DPP10: variants seen among roughly 807,000 people sequenced by gnomAD.
DPP10 encodes inactive dipeptidyl peptidase 10.
A neutral mutation model predicts 120.9 loss-of-function variants in DPP10; 33 were observed. The observed-to-expected ratio is 0.27, with a 90% confidence interval of 0.21 to 0.37. The LOEUF (loss-of-function observed/expected upper bound fraction) is 0.37, where lower values mean the gene tolerates loss of function less well. DPP10 is among the 10% of genes least tolerant of loss of function. The pLI is 1.00. For synonymous variants in DPP10, 337 were observed against 326.1 expected, an observed-to-expected ratio of 1.03 and a Z score of -0.36; for missense variants, 816 against 942.8, an observed-to-expected ratio of 0.87 and a Z score of 1.76.
chr2:115,717,797 G>A (rs79088982), intron 7 of DPP10, among the ~76,000 whole-genome samples: 1,650 of 152,214 alleles, frequency 0.011, 22 homozygotes, highest in Non-Finnish European at 0.016. Flanking sequence ...TGGATGCTGA[G>A]GGTCTGCTGT....
At chr2:115,454,127 A>G (rs2073338663) in intron 3 of DPP10, among the ~76,000 whole-genome samples, 1 of 151,504 alleles carries the variant, frequency 6.6e-6, no homozygotes, top group African/African-American at 2.4e-5. Flanking sequence ...CTTATTCAAA[A>G]TTCTGTGAAA....
At chr2:115,828,331 A>G (rs1461547847) in intron 21 of DPP10, among the ~76,000 whole-genome samples, 1 of 151,896 alleles carries the variant, frequency 6.6e-6, no homozygotes, top group Non-Finnish European at 1.5e-5. Flanking sequence ...AATGAATTTC[A>G]TTGTGATATG....
chr2:114,725,292 C>T (rs546910603), intron 1 of DPP10, among the ~76,000 whole-genome samples: 1 of 152,320 alleles, frequency 6.6e-6, no homozygotes, highest in South Asian at 2.1e-4. Context: ...CGCATATTCA[C>T]ATTTTTTCCA....
intron 1 of DPP10, among the ~76,000 whole-genome samples, chr2:115,276,725 A>G (rs2059935233): frequency 6.6e-6 from 1 of 152,242 alleles, no homozygotes. Flanking sequence ...AAAGGCAAGT[A>G]TGAGAGATTT....
chr2:114,773,688 A>G (rs889413621), intron 1 of DPP10, among the ~76,000 whole-genome samples: 2 of 152,190 alleles, frequency 1.3e-5, no homozygotes, highest in African/African-American at 4.8e-5. Context: ...TTGCATTTCC[A>G]TAAAGAAGGC....
intron 1 of DPP10, among the ~76,000 whole-genome samples, chr2:115,194,812 A>G (rs568369737): frequency 2.0e-5 from 3 of 152,318 alleles, no homozygotes; most frequent in African/African-American, 7.2e-5. Context: ...TAACATAACA[A>G]TGCCACCTGT....
chr2:114,652,978 C>T (rs1347174531), intron 1 of DPP10, among the ~76,000 whole-genome samples: 9 of 149,880 alleles, frequency 6.0e-5, no homozygotes. Context: ...CCTCTTTTCT[C>T]TCTCATTGGA....
intron 9 of DPP10, among the ~76,000 whole-genome samples, chr2:115,740,542 A>G (rs941921209): frequency 2.0e-5 from 3 of 152,096 alleles, no homozygotes; most frequent in African/African-American, 7.2e-5. Context: ...ATACTCTAGA[A>G]CACACTATAT....
At chr2:115,278,726 C>T (rs1341723442) in intron 1 of DPP10, among the ~76,000 whole-genome samples, 1 of 151,982 alleles carries the variant, frequency 6.6e-6, no homozygotes, top group Non-Finnish European at 1.5e-5. Flanking sequence ...AATTCAGTTG[C>T]CCCAAGGGAG....
chr2:115,405,558 ACT>A (rs2068444012), intron 3 of DPP10, among the ~76,000 whole-genome samples: 1 of 151,192 alleles, frequency 6.6e-6, no homozygotes, highest in African/African-American at 2.4e-5. Flanking sequence ...TCTAGAGAAG[ACT>A]CTCTGTGCTG....
chr2:114,939,744 T>G (rs2104557727), intron 1 of DPP10, among the ~76,000 whole-genome samples: 1 of 152,284 alleles, frequency 6.6e-6, no homozygotes, highest in Admixed American at 6.5e-5. Flanking sequence ...TCACATGTCT[T>G]TGGATAATTT....
chr2:115,693,101 A>G (rs933218504), intron 7 of DPP10, among the ~76,000 whole-genome samples: 1 of 152,222 alleles, frequency 6.6e-6, no homozygotes, highest in Non-Finnish European at 1.5e-5. Flanking sequence ...TTGTCCAGAT[A>G]CCACAGATTA....
At chr2:114,660,784 A>G (rs1295210495) in intron 1 of DPP10, among the ~76,000 whole-genome samples, 2 of 152,248 alleles carry the variant, frequency 1.3e-5, no homozygotes, top group African/African-American at 2.4e-5. Flanking sequence ...GGCAGTAAGT[A>G]CTGGCTCTCA....
chr2:115,553,028 G>A (rs183629720), intron 5 of DPP10, among the ~76,000 whole-genome samples: 36 of 152,172 alleles, frequency 2.4e-4, no homozygotes, highest in Admixed American at 2.0e-3. Context: ...AGACAAAAAC[G>A]TCCCTGTAGT....
At chr2:115,023,411 T>C (rs1018169182) in intron 1 of DPP10, among the ~76,000 whole-genome samples, 10 of 152,088 alleles carry the variant, frequency 6.6e-5, no homozygotes, top group African/African-American at 2.4e-4. Context: ...TCACTAATCA[T>C]CAGAGAAATG....
intron 1 of DPP10, among the ~76,000 whole-genome samples, chr2:114,865,857 A>G (rs2106545714): frequency 6.6e-6 from 1 of 152,260 alleles, no homozygotes; most frequent in East Asian, 1.9e-4. Flanking sequence ...TCACACCTGT[A>G]ATCCCAGCAT....
At chr2:115,718,924 G>A (rs919449069) in intron 7 of DPP10, among the ~76,000 whole-genome samples, 9 of 151,972 alleles carry the variant, frequency 5.9e-5, no homozygotes, top group African/African-American at 1.7e-4. Flanking sequence ...ACTTCGACCC[G>A]CATAAATCAA....
At chr2:115,229,462 C>T (rs1042353024) in intron 1 of DPP10, among the ~76,000 whole-genome samples, 2 of 152,080 alleles carry the variant, frequency 1.3e-5, no homozygotes, top group African/African-American at 4.8e-5. Flanking sequence ...CTACAATGTC[C>T]TGATTCCTCA....
chr2:115,558,188 AG>A (rs1224110979), intron 5 of DPP10, among the ~76,000 whole-genome samples: 4 of 152,196 alleles, frequency 2.6e-5, no homozygotes, highest in African/African-American at 9.6e-5. Flanking sequence ...GTGGATTCAG[AG>A]GGGCAGCTGG....
Sources: allele counts gnomAD v4.1 joint callset (sites outside exome capture counted in the v4.1 genomes callset), GRCh38; gene constraint gnomAD v4.1.1; transcripts MANE v1.5; gene names NCBI Gene and HGNC (gene_info 2026-07-23, HGNC 2026-07-21).